The following VPS45 variants were observed in gnomAD, a reference collection of about 807,000 sequenced individuals.
VPS45 encodes vacuolar protein sorting-associated protein 45.
A neutral mutation model predicts 75.9 loss-of-function variants in VPS45; 35 were observed. That is an observed-to-expected ratio of 0.46 (90% CI 0.35 to 0.61). The LOEUF is 0.61. Among genes scored for constraint, VPS45 ranks in the 20% least tolerant of loss-of-function variants. VPS45 has a pLI of 0.00. For missense variants in VPS45, 559 were observed against 685.9 expected (o/e 0.81, Z 2.07); for synonymous variants, 220 against 238.2 (o/e 0.92, Z 0.70).
At chr1:150,083,101 G>C in intron 10 of VPS45, 2 of 433,248 alleles carry the variant, frequency 4.6e-6, no homozygotes, top group Non-Finnish European at 4.0e-6. Context: ...ATTAGTATAA[G>C]GGCAGCCTAG....
chr1:150,095,488 C>T (rs1252262903), intron 13 of VPS45, among the ~76,000 whole-genome samples: 5 of 152,148 alleles, frequency 3.3e-5, no homozygotes, highest in African/African-American at 1.2e-4. Flanking sequence ...GTAGCAGGCG[C>T]CTGTAATCCC....
At chr1:150,114,775 G>T (rs1372557860) in intron 14 of VPS45, among the ~76,000 whole-genome samples, 1 of 151,714 alleles carries the variant, frequency 6.6e-6, no homozygotes, top group Non-Finnish European at 1.5e-5. Flanking sequence ...GCTGGGCATG[G>T]TAGCATGTGT....
chr1:150,095,634 C>T (rs1656604719), intron 13 of VPS45, among the ~76,000 whole-genome samples: 7 of 147,976 alleles, frequency 4.7e-5, no homozygotes, highest in Admixed American at 4.7e-4. Context: ...AAAGCAATCA[C>T]ACTATGATTA....
chr1:150,131,676 T>TTAAAA (rs1370833138), intron 14 of VPS45, among the ~76,000 whole-genome samples: 1 of 139,294 alleles, frequency 7.2e-6, no homozygotes, highest in Admixed American at 7.2e-5. Context: ...TTTTTGTCTC[T>TTAAAA]AAAAAAAAAA....
chr1:150,090,830 CA>C (rs1656286942), intron 10 of VPS45, among the ~76,000 whole-genome samples: 1 of 152,208 alleles, frequency 6.6e-6, no homozygotes, highest in Non-Finnish European at 1.5e-5. Context: ...TGCTTTTTTA[CA>C]CAGTGCAATA....
At chr1:150,099,895 G>A (rs1656885081) in intron 13 of VPS45, among the ~76,000 whole-genome samples, 1 of 151,524 alleles carries the variant, frequency 6.6e-6, no homozygotes, top group South Asian at 2.1e-4. Flanking sequence ...TACTGAATGG[G>A]CAAAAGCTGG....
At chr1:150,115,940 T>C (rs1657909500) in intron 14 of VPS45, among the ~76,000 whole-genome samples, 1 of 152,218 alleles carries the variant, frequency 6.6e-6, no homozygotes, top group African/African-American at 2.4e-5. Flanking sequence ...AGTTTATACT[T>C]ATCAAGCTAA....
intron 14 of VPS45, among the ~76,000 whole-genome samples, chr1:150,124,688 T>G (rs1658414260): frequency 6.7e-6 from 1 of 149,444 alleles, no homozygotes; most frequent in South Asian, 2.1e-4. Flanking sequence ...TAGCTGGGAC[T>G]ACAAGCCTGC....
chr1:150,080,137 A>T (rs1047070821), intron 7 of VPS45, among the ~76,000 whole-genome samples: 4 of 119,072 alleles, frequency 3.4e-5, no homozygotes, highest in Non-Finnish European at 6.6e-5. Flanking sequence ...AGCATAAAAC[A>T]TTTTGTTGTA....
chr1:150,073,667 T>C (rs1655204030), intron 3 of VPS45, among the ~76,000 whole-genome samples: 1 of 152,040 alleles, frequency 6.6e-6, no homozygotes, highest in Non-Finnish European at 1.5e-5. Context: ...CGAATAATAA[T>C]ACAGAGATCC....
intron 13 of VPS45, 163 bp from the exon 14 acceptor site, chr1:150,110,333 A>G (rs1657575920): frequency 6.5e-6 from 4 of 617,590 alleles, no homozygotes; most frequent in African/African-American, 1.9e-5. Context: ...TTTCCTGCCA[A>G]TTTCAGATAA....
chr1:150,123,980 C>T (rs1048118140), intron 14 of VPS45, among the ~76,000 whole-genome samples: 1 of 152,138 alleles, frequency 6.6e-6, no homozygotes, highest in African/African-American at 2.4e-5. Flanking sequence ...ATAATAATTA[C>T]TGTACATAGT....
intron 14 of VPS45, among the ~76,000 whole-genome samples, chr1:150,143,841 G>C (rs868921476): frequency 3.3e-5 from 5 of 152,096 alleles, no homozygotes; most frequent in Admixed American, 6.5e-5. Flanking sequence ...TGTGACCTTG[G>C]CAAGTCACTT....
At chr1:150,136,411 TG>T (rs1553813722) in intron 14 of VPS45, among the ~76,000 whole-genome samples, 1 of 150,966 alleles carries the variant, frequency 6.6e-6, no homozygotes, top group African/African-American at 2.4e-5. Flanking sequence ...AAAAATTAGC[TG>T]GGCATGGTGG....
Position 150,076,679 on chromosome 1 carries a change from T to C in VPS45, c.370-237T>C, listed in dbSNP as rs1655404188. 4 of 561,906 alleles carry C rather than the reference T, an allele frequency of 7.1e-6. No homozygotes were observed. In the Admixed American group the frequency reaches 1.4e-4, roughly 19 times the overall value. The allele number at this position is 561,906 out of a possible 1,614,324, so 34.8% of individuals were successfully genotyped here. ...TGCATAGAGGTCTCCAGAAATATAATGTGTATAACCTTACAACCTTTATTT... is the reference window on the plus strand; with the variant it reads ...TGCATAGAGGTCTCCAGAAATATAACGTGTATAACCTTACAACCTTTATTT... On this transcript the variant is annotated intron_variant, in intron 4 of 14. Coordinates refer to ENST00000644510, the MANE Select transcript of VPS45 (RefSeq NM_007259.5).
At chr1:150,087,175 G>A (rs1227483523) in intron 10 of VPS45, among the ~76,000 whole-genome samples, 10 of 152,160 alleles carry the variant, frequency 6.6e-5, no homozygotes, top group African/African-American at 1.2e-4. Flanking sequence ...TGGTTTTCTC[G>A]TTGATGTCTT....
At chr1:150,113,970 A>G (rs1553807731) in intron 14 of VPS45, among the ~76,000 whole-genome samples, 1 of 152,188 alleles carries the variant, frequency 6.6e-6, no homozygotes, top group Admixed American at 6.5e-5. Flanking sequence ...CAAATAATAT[A>G]AGAATATTAA....
At position 150,118,955 on chromosome 1, in the gene VPS45, A is replaced by G. The variant is rs143195817; in HGVS notation, c.1625+8328A>G. On this transcript the variant is annotated intron_variant, in intron 14 of 14. Coordinates refer to ENST00000644510, the MANE Select transcript of VPS45 (RefSeq NM_007259.5). ...AGGGAGTTGCTATGGCAATCACCAA[A>G]CAGGAAAAAATATTAGTTGATTTTT... Among the ~76,000 whole-genome samples the G allele has an allele frequency of 9.2e-5, 14 of 152,356 alleles. 1 individual carries two copies. The highest frequency in any genetic ancestry group is 2.9e-4 in the African/African-American group (12 of 41,580).
chr1:150,124,161 A>T (rs1452731077), intron 14 of VPS45, among the ~76,000 whole-genome samples: 2 of 152,264 alleles, frequency 1.3e-5, no homozygotes, highest in East Asian at 3.9e-4. Context: ...ATTCATGCTC[A>T]TTGTTAAAAG....
Sources: allele counts gnomAD v4.1 joint callset (sites outside exome capture counted in the v4.1 genomes callset), GRCh38; gene constraint gnomAD v4.1.1; transcripts MANE v1.5; gene names NCBI Gene and HGNC (gene_info 2026-07-23, HGNC 2026-07-21).